The following ZNF639 variants were observed in gnomAD, a reference collection of about 807,000 sequenced individuals.
The protein encoded by ZNF639 is zinc finger protein 639, also known as zinc finger amplified in esophageal squamous cell carcinomas 1.
ZNF639 carries 20 observed loss-of-function variants against 39.8 expected under a neutral mutation model. The ratio of observed to expected loss-of-function variants is 0.50; its 90% CI spans 0.35 to 0.73. The LOEUF (loss-of-function observed/expected upper bound fraction) is 0.73, where lower values mean the gene tolerates loss of function less well. ZNF639 is among the 30% of genes least tolerant of loss of function. The pLI is 0.00. For missense variants in ZNF639, 477 were observed against 566.2 expected, an observed-to-expected ratio of 0.84 and a Z score of 1.60; for synonymous variants, 176 against 189.8, an observed-to-expected ratio of 0.93 and a Z score of 0.60.
At chr3:179,329,389 T>C (rs1235774740) in intron 3 of ZNF639, among the ~76,000 whole-genome samples, 3 of 152,248 alleles carry the variant, frequency 2.0e-5, no homozygotes, top group African/African-American at 7.2e-5. Flanking sequence ...TGTATCCTTG[T>C]ATATTTCAAA....
At chr3:179,327,945 TA>T in intron 2 of ZNF639, 1 of 174,402 alleles carries the variant, frequency 5.7e-6, no homozygotes, top group Non-Finnish European at 1.2e-5. Context: ...TATGGTGCCA[TA>T]GGCACAGTGT....
intron 1 of ZNF639, chr3:179,325,178 C>A (rs535688118): frequency 6.6e-6 from 1 of 152,374 alleles, no homozygotes; most frequent in African/African-American, 2.4e-5. Context: ...TGTGCCACCA[C>A]GCCCGGCTAA....
At chr3:179,331,414 A>G (rs992356043) in intron 4 of ZNF639, among the ~76,000 whole-genome samples, 4 of 152,220 alleles carry the variant, frequency 2.6e-5, no homozygotes, top group Non-Finnish European at 5.9e-5. Context: ...GAGGTGGAAT[A>G]TAAGTCTGCA....
At chr3:179,323,360 A>G in intron 1 of ZNF639, 69 bp downstream of exon 1, 14 of 985,694 alleles carry the variant, frequency 1.4e-5, no homozygotes, top group Non-Finnish European at 1.6e-5. Context: ...GTGCGGGCGC[A>G]TCTTCTAACG....
Position 179,323,188 on chromosome 3 carries a change from G to A in ZNF639, c.-186G>A, listed in dbSNP as rs1193796197. ...CGCTAGGGCCGGAGCAGCGCTGCCC[G>A]CCGCCGTGCGTCCGCGGGAAGGACC... On this transcript the variant is annotated 5_prime_UTR_variant, in exon 1 of 6. Coordinates refer to ENST00000496856, the MANE Select transcript of ZNF639 (RefSeq NM_001303426.2). 17 of 984,794 alleles carry A rather than the reference G, an allele frequency of 1.7e-5. No homozygotes were observed. The African/African-American group carries it at 1.7e-4, about 10-fold the overall frequency. 61.0% of individuals were successfully genotyped at this position (984,794 alleles called of 1,614,324 possible).
At position 179,328,354 on chromosome 3, in the gene ZNF639, C is replaced by A; in HGVS notation, c.58+3C>A. 1.3e-6 allele frequency: 2 copies of A among 1,572,826 alleles called. No individual in the cohort carries two copies. Among genetic ancestry groups the A allele is most frequent in the South Asian group, 1.2e-5 (1 of 85,698 alleles). ...TCTACACCCTTCTCGTTATTCAGGTCAGTGTATAATTATTTTAAAGTTGGG... is the reference window on the plus strand; with the variant it reads ...TCTACACCCTTCTCGTTATTCAGGTAAGTGTATAATTATTTTAAAGTTGGG... On this transcript the variant is annotated splice_donor_region_variant and intron_variant, in intron 3 of 5. Coordinates refer to ENST00000496856, the MANE Select transcript of ZNF639 (RefSeq NM_001303426.2).
chr3:179,325,814 G>A (rs781338861), intron 1 of ZNF639, among the ~76,000 whole-genome samples: 3 of 152,004 alleles, frequency 2.0e-5, no homozygotes, highest in African/African-American at 4.8e-5. Context: ...CCGGGAGGCG[G>A]AGCTTGCAGT....
At chr3:179,331,370 T>A (rs542873204) in intron 4 of ZNF639, among the ~76,000 whole-genome samples, 19 of 152,134 alleles carry the variant, frequency 1.2e-4, no homozygotes, top group Non-Finnish European at 2.6e-4. Context: ...GCAGTAAAAC[T>A]CCAAATTATT....
At chr3:179,324,244 G>T (rs1385207592) in intron 1 of ZNF639, among the ~76,000 whole-genome samples, 1 of 152,172 alleles carries the variant, frequency 6.6e-6, no homozygotes, top group African/African-American at 2.4e-5. Context: ...TCTATTTGAT[G>T]ATTGCTGACT....
intron 3 of ZNF639, among the ~76,000 whole-genome samples, chr3:179,328,736 T>C (rs775143665): frequency 3.9e-5 from 6 of 152,148 alleles, no homozygotes; most frequent in Non-Finnish European, 5.9e-5. Context: ...ATCCTCTTTA[T>C]TACTTTAGGA....
In ZNF639 at chr3:179,338,274, A is replaced by G. The variant is rs183072274; in HGVS notation, c.*3852A>G. ...AGTAGAATTCTTCGCAGCAGTGAAC[A>G]GTAGTGACAGGTCATTATGTTTTTC... is the stretch of plus-strand genomic sequence containing the variant. On this transcript the variant is annotated 3_prime_UTR_variant, in exon 6 of 6. Coordinates refer to ENST00000496856, the MANE Select transcript of ZNF639 (RefSeq NM_001303426.2). The G allele has an allele frequency of 6.6e-6, 1 of 152,356 alleles. No individual in the cohort carries two copies. The highest frequency in any genetic ancestry group is 1.9e-4 in the East Asian group (1 of 5,190). 9.4% of individuals were successfully genotyped at this position (152,356 alleles called of 1,614,324 possible).
chr3:179,335,774 CT>C lies in ZNF639; in HGVS notation c.*1369del, dbSNP rs35673654. ...TGCAAGTCTGTCCCCCAAATTTCCT[CT>C]TTTTTTTTTTTTTTTTGCTTTTTTA... On this transcript the variant is annotated 3_prime_UTR_variant, in exon 6 of 6. Coordinates refer to ENST00000496856, the MANE Select transcript of ZNF639 (RefSeq NM_001303426.2). 0.039 allele frequency: 5,044 copies of C among 128,574 alleles called. 212 individuals carry two copies. Among genetic ancestry groups the C allele is most frequent in the African/African-American group, 0.13 (4,459 of 34,394 alleles). The allele number at this position is 128,574 out of a possible 1,614,324, so 8.0% of individuals were successfully genotyped here. A position where few individuals can be genotyped will look rare whatever the true frequency, so the allele number is the denominator to read the frequency against.
chr3:179,329,045 G>A (rs1370332677), intron 3 of ZNF639, among the ~76,000 whole-genome samples: 1 of 152,086 alleles, frequency 6.6e-6, no homozygotes, highest in Non-Finnish European at 1.5e-5. Context: ...TGCTGTGTTG[G>A]CAGTATAAGA....
At chr3:179,329,768 C>A in intron 4 of ZNF639, 40 bp downstream of exon 4, 1 of 1,109,520 alleles carries the variant, frequency 9.0e-7, no homozygotes, top group Non-Finnish European at 1.3e-6. Context: ...CTTTAAACTG[C>A]TTTTACATTT....
At chr3:179,331,179 C>T (rs920449332) in intron 4 of ZNF639, among the ~76,000 whole-genome samples, 2 of 152,168 alleles carry the variant, frequency 1.3e-5, no homozygotes, top group Non-Finnish European at 2.9e-5. Flanking sequence ...CACACGTCAA[C>T]TTAAAGAGCT....
chr3:179,329,998 C>T (rs999228975), intron 4 of ZNF639: 41 of 207,922 alleles, frequency 2.0e-4, no homozygotes, highest in African/African-American at 7.0e-4. Context: ...CTGCAACCTC[C>T]GCCTCCCAGG....
In ZNF639 at chr3:179,323,221, C is replaced by T; in HGVS notation, c.-153C>T. 2.0e-6 allele frequency: 2 copies of T among 985,156 alleles called. No individual in the cohort carries two copies. The highest frequency in any genetic ancestry group is 2.4e-6 in the Non-Finnish European group (2 of 829,998). 61.0% of individuals were successfully genotyped at this position (985,156 alleles called of 1,614,324 possible). On this transcript the variant is annotated 5_prime_UTR_variant, in exon 1 of 6. Transcript: ENST00000496856. ...GCGTCCGCGGGAAGGACCGCGCGGCCCCTCCGCCTGCGCTCTCGGCCGCCG... is the reference window on the plus strand; with the variant it reads ...GCGTCCGCGGGAAGGACCGCGCGGCTCCTCCGCCTGCGCTCTCGGCCGCCG...
intron 4 of ZNF639, 63 bp from the exon 5 acceptor site, chr3:179,332,926 T>G (rs1170169523): frequency 6.9e-7 from 1 of 1,457,990 alleles, no homozygotes; most frequent in East Asian, 2.5e-5. Flanking sequence ...ATTGATGCTT[T>G]GTTCTATAAT....
Position 179,335,963 on chromosome 3 carries a change from G to A in ZNF639, c.*1541G>A, listed in dbSNP as rs1711515285. The A allele has an allele frequency of 6.6e-6, 1 of 151,948 alleles. No homozygotes were observed. Among genetic ancestry groups the A allele is most frequent in the Non-Finnish European group, 1.5e-5 (1 of 67,994 alleles). The allele number at this position is 151,948 out of a possible 1,614,324, so 9.4% of individuals were successfully genotyped here. ...TCAGCCACCATGCCAGGCTAATTTTGTATTTTTAGTAGAAACGGGGTTTCA... is the reference window on the plus strand; with the variant it reads ...TCAGCCACCATGCCAGGCTAATTTTATATTTTTAGTAGAAACGGGGTTTCA... On this transcript the variant is annotated 3_prime_UTR_variant, in exon 6 of 6. Coordinates refer to ENST00000496856, the MANE Select transcript of ZNF639 (RefSeq NM_001303426.2).
Sources: allele counts gnomAD v4.1 joint callset (sites outside exome capture counted in the v4.1 genomes callset), GRCh38; gene constraint gnomAD v4.1.1; transcripts MANE v1.5; gene names NCBI Gene and HGNC (gene_info 2026-07-23, HGNC 2026-07-21).